Variants in CACNB2 observed in about 807,000 individuals in gnomAD.
The protein encoded by CACNB2 is voltage-dependent L-type calcium channel subunit beta-2.
Under a neutral mutation model 73.3 loss-of-function variants are expected in CACNB2, and 42 were observed. The observed-to-expected ratio is 0.57, with a 90% CI of 0.45 to 0.74. The LOEUF (loss-of-function observed/expected upper bound fraction) is 0.74, where lower values mean the gene tolerates loss of function less well. Ranked by LOEUF, CACNB2 falls within the 30% of genes least tolerant of loss-of-function variation. The pLI, the probability that CACNB2 is intolerant of heterozygous loss-of-function variation, is 0.00. For synonymous variants in CACNB2, 348 were observed against 310.3 expected (o/e 1.12, Z -1.28); for missense variants, 940 against 853.0 (o/e 1.10, Z -1.27).
chr10:18,229,199 A>G (rs1383903833), intron 2 of CACNB2, among the ~76,000 whole-genome samples: 6 of 152,250 alleles, frequency 3.9e-5, no homozygotes, highest in African/African-American at 1.2e-4. Context: ...TATGCATAAT[A>G]TTAGAATATT....
chr10:18,494,078 T>A (rs2049625760), intron 3 of CACNB2, among the ~76,000 whole-genome samples: 1 of 152,190 alleles, frequency 6.6e-6, no homozygotes, highest in Non-Finnish European at 1.5e-5. Context: ...ACGTTCCAAC[T>A]TAACATCTTA....
chr10:18,190,410 G>A (rs77353696), intron 2 of CACNB2, among the ~76,000 whole-genome samples: 3 of 151,994 alleles, frequency 2.0e-5, no homozygotes, highest in Non-Finnish European at 4.4e-5. Flanking sequence ...ACCCTGCCCC[G>A]AGAGTGACCC....
intron 3 of CACNB2, among the ~76,000 whole-genome samples, chr10:18,407,603 C>T (rs2044366712): frequency 1.3e-5 from 2 of 152,120 alleles, no homozygotes; most frequent in African/African-American, 4.8e-5. Context: ...CTGGAAACTG[C>T]CCCTTTTTTT....
Position 18,289,285 on chromosome 10 carries a change from TTTTTTTGTTTTG to T in CACNB2, c.214-112632_214-112621del, listed in dbSNP as rs1409351290. ...AAGTTGTCTTCATTTTTTTTTCTTGTTTTTTTGTTTTGTTTTTTTTTTTTTTTGAGATGGGGT... is the reference window on the plus strand; with the variant it reads ...AAGTTGTCTTCATTTTTTTTTCTTGTTTTTTTTTTTTTTTTGAGATGGGGT... On this transcript the variant is annotated intron_variant, in intron 2 of 13. Transcript: ENST00000324631. 4.3e-5 allele frequency among the ~76,000 whole-genome samples: 4 copies of T among 93,606 alleles called. 1 individual carries two copies. Among genetic ancestry groups the T allele is most frequent in the African/African-American group, 1.3e-4 (2 of 15,934 alleles). The allele number at this position is 93,606 out of a possible 152,430, so 61.4% of individuals were successfully genotyped here. A position where few individuals can be genotyped will look rare whatever the true frequency, so the allele number is the denominator to read the frequency against.
intron 2 of CACNB2, chr10:18,341,033 G>A: frequency 6.5e-7 from 1 of 1,542,672 alleles, no homozygotes; most frequent in East Asian, 2.2e-5. Context: ...AAGAAAACAG[G>A]AATGCATAGA....
chr10:18,431,763 T>C (rs1235520768), intron 3 of CACNB2, among the ~76,000 whole-genome samples: 10 of 45,084 alleles, frequency 2.2e-4, no homozygotes, highest in Non-Finnish European at 3.8e-5. Context: ...TTGAATCTCA[T>C]TTCTTTTTCT....
intron 2 of CACNB2, among the ~76,000 whole-genome samples, chr10:18,290,338 A>C (rs892263079): frequency 6.6e-6 from 1 of 151,458 alleles, no homozygotes; most frequent in East Asian, 1.9e-4. Context: ...CCTTTTCTTT[A>C]AAGTGTTTAT....
chr10:18,162,052 C>G (rs1339743702), intron 2 of CACNB2, among the ~76,000 whole-genome samples: 1 of 151,884 alleles, frequency 6.6e-6, no homozygotes, highest in Non-Finnish European at 1.5e-5. Context: ...TGTTCTGTAA[C>G]TTTTAGGTTT....
At chr10:18,250,496 G>A (rs2037045608) in intron 2 of CACNB2, among the ~76,000 whole-genome samples, 1 of 150,862 alleles carries the variant, frequency 6.6e-6, no homozygotes, top group South Asian at 2.1e-4. Context: ...TTTCTAAGAG[G>A]TCAAGGAGGT....
At chr10:18,155,174 C>A (rs981913111) in intron 2 of CACNB2, among the ~76,000 whole-genome samples, 1 of 152,200 alleles carries the variant, frequency 6.6e-6, no homozygotes, top group African/African-American at 2.4e-5. Context: ...CATTCAGCCT[C>A]ACCTGTCCCC....
chr10:18,476,978 C>A (rs370865968), intron 3 of CACNB2, among the ~76,000 whole-genome samples: 9 of 152,034 alleles, frequency 5.9e-5, no homozygotes, highest in African/African-American at 2.2e-4. Flanking sequence ...CAAGATTGTG[C>A]CACTGCACTC....
chr10:18,482,404 C>G (rs1348433022), intron 3 of CACNB2, among the ~76,000 whole-genome samples: 1 of 152,206 alleles, frequency 6.6e-6, no homozygotes, highest in Non-Finnish European at 1.5e-5. Flanking sequence ...GGGCCAACCG[C>G]TGCTTCTGAA....
chr10:18,489,983 TC>T (rs1191274188), intron 3 of CACNB2, among the ~76,000 whole-genome samples: 2 of 152,190 alleles, frequency 1.3e-5, no homozygotes, highest in Non-Finnish European at 2.9e-5. Flanking sequence ...GCTCAAGCGA[TC>T]CTCCCACCTC....
At chr10:18,242,785 C>T (rs1036142263) in intron 2 of CACNB2, among the ~76,000 whole-genome samples, 3 of 151,046 alleles carry the variant, frequency 2.0e-5, no homozygotes, top group Admixed American at 6.6e-5. Flanking sequence ...GAGATTGAGA[C>T]CATCCTGGCT....
intron 2 of CACNB2, among the ~76,000 whole-genome samples, chr10:18,323,128 A>G (rs1006507455): frequency 1.4e-5 from 2 of 145,412 alleles, no homozygotes; most frequent in Non-Finnish European, 3.0e-5. Flanking sequence ...CACCCAGCTA[A>G]TTTTTTTTTT....
At chr10:18,145,667 A>G (rs906505593) in intron 1 of CACNB2, among the ~76,000 whole-genome samples, 3 of 152,136 alleles carry the variant, frequency 2.0e-5, no homozygotes, top group African/African-American at 4.8e-5. Context: ...CTCATAGGGG[A>G]TGGTGATACT....
At chr10:18,384,374 G>A (rs1225213158) in intron 2 of CACNB2, among the ~76,000 whole-genome samples, 1 of 152,122 alleles carries the variant, frequency 6.6e-6, no homozygotes, top group African/African-American at 2.4e-5. Flanking sequence ...GGTATCCCAA[G>A]TCTTTCATAG....
rs61841961 is a variant in CACNB2, at chr10:18,422,525, T to C, written c.333+20482T>C. Among the ~76,000 whole-genome samples, 332 of 152,334 alleles carry C rather than the reference T, an allele frequency of 2.2e-3. 1 individual carries two copies. Among genetic ancestry groups the C allele is most frequent in the Non-Finnish European group, 3.6e-3 (246 of 68,034 alleles). ...ATCTCCTGGTCTAGCATGCTATTGC[T>C]CTTTCTCATCAACTTTCCATCTCTC... On this transcript the variant is annotated intron_variant, in intron 3 of 13. Transcript: ENST00000324631.
intron 2 of CACNB2, among the ~76,000 whole-genome samples, chr10:18,397,149 G>C (rs1308249253): frequency 6.6e-6 from 1 of 152,158 alleles, no homozygotes; most frequent in Non-Finnish European, 1.5e-5. Context: ...AAACAGCAAA[G>C]TATATAAATT....
Sources: gnomAD v4.1 joint callset for allele counts (sites outside exome capture counted in the v4.1 genomes callset) on GRCh38, gnomAD v4.1.1 for gene constraint, MANE v1.5 for transcripts, NCBI Gene and HGNC (gene_info 2026-07-23, HGNC 2026-07-21) for gene names.